Variants in ZYG11B observed in about 807,000 individuals in gnomAD.
The protein encoded by ZYG11B is protein zyg-11 homolog B.
Under a neutral mutation model 82.4 loss-of-function variants are expected in ZYG11B, and 36 were observed. The observed-to-expected ratio is 0.44, with a 90% CI of 0.33 to 0.58. The LOEUF is 0.58. ZYG11B is among the 20% of genes least tolerant of loss of function. The pLI, the probability that ZYG11B is intolerant of heterozygous loss-of-function variation, is 0.02. For missense variants in ZYG11B, 552 were observed against 895.6 expected, an observed-to-expected ratio of 0.62 and a Z score of 4.90; for synonymous variants, 303 against 312.8, an observed-to-expected ratio of 0.97 and a Z score of 0.33.
At chr1:52,783,997 T>TATAGAG (rs543071878) in intron 4 of ZYG11B, among the ~76,000 whole-genome samples, 1 of 142,302 alleles carries the variant, frequency 7.0e-6, no homozygotes, top group African/African-American at 2.7e-5. Flanking sequence ...TATATATATA[T>TATAGAG]AGAGAGAGAG....
intron 3 of ZYG11B, among the ~76,000 whole-genome samples, chr1:52,776,251 A>C (rs1644809056): frequency 4.1e-5 from 2 of 49,292 alleles, no homozygotes; most frequent in East Asian, 3.3e-4. Flanking sequence ...TATATGCAAT[A>C]AAGTTGGCTT....
chr1:52,726,634 G>T lies in ZYG11B; in HGVS notation c.-20G>T. The T allele has an allele frequency of 3.4e-6, 5 of 1,451,738 alleles. No homozygotes were observed. Among genetic ancestry groups the T allele is most frequent in the Non-Finnish European group, 4.5e-6 (5 of 1,107,540 alleles). 89.9% of individuals were successfully genotyped at this position (1,451,738 alleles called of 1,614,324 possible). On this transcript the variant is annotated 5_prime_UTR_variant, in exon 1 of 14. Coordinates refer to ENST00000294353, the MANE Select transcript of ZYG11B (RefSeq NM_024646.3). ...GCGGGCTCCGGTCCGGCCCGCCGCC[G>T]CACCCAGGACGGAGGCTGCATGCCC...
At chr1:52,770,137 G>C (rs1454565048) in intron 2 of ZYG11B, among the ~76,000 whole-genome samples, 1 of 144,816 alleles carries the variant, frequency 6.9e-6, no homozygotes, top group Admixed American at 7.2e-5. Flanking sequence ...TGTCACCCAG[G>C]CTGGTGTGCA....
At position 52,774,687 on chromosome 1, in the gene ZYG11B, C is replaced by G. The variant is rs535377048; in HGVS notation, c.951+2913C>G. On this transcript the variant is annotated intron_variant, in intron 3 of 13. Coordinates refer to ENST00000294353, the MANE Select transcript of ZYG11B (RefSeq NM_024646.3). The stretch of plus-strand genomic sequence containing the variant: ...CTCAGCGATCCTCCCACCTTGGCCT[C>G]CTAGTTTTGGGATTATAGGTGTAAG... Among the ~76,000 whole-genome samples the G allele has an allele frequency of 2.0e-5, 3 of 147,542 alleles. No individual in the cohort carries two copies. In the South Asian group the frequency reaches 6.4e-4, roughly 32 times the overall value.
chr1:52,730,824 A>C (rs1310179340), intron 1 of ZYG11B, among the ~76,000 whole-genome samples: 1 of 151,184 alleles, frequency 6.6e-6, no homozygotes, highest in Non-Finnish European at 1.5e-5. Context: ...CAGCCTGGGC[A>C]ACAGAGCGAG....
At chr1:52,801,661 A>G (rs920211373) in intron 8 of ZYG11B, among the ~76,000 whole-genome samples, 158 bp from the exon 9 acceptor site, 1 of 152,176 alleles carries the variant, frequency 6.6e-6, no homozygotes, top group Non-Finnish European at 1.5e-5. Flanking sequence ...ATTTTTCTTG[A>G]AGAAAAGTTC....
Position 52,732,211 on chromosome 1 carries a change from A to G in ZYG11B, c.30+5528A>G, listed in dbSNP as rs1482127735. Among the ~76,000 whole-genome samples, 5 of 152,222 alleles carry G rather than the reference A, an allele frequency of 3.3e-5. No homozygotes were observed. The South Asian group carries it at 8.3e-4, about 25-fold the overall frequency. On this transcript the variant is annotated intron_variant, in intron 1 of 13. Coordinates refer to ENST00000294353, the MANE Select transcript of ZYG11B (RefSeq NM_024646.3). ...AAAAAGGATGTGTGTAGGGGAATCAATAAATAAATTGAAATCCCTTCCAAG... is the reference window on the plus strand; with the variant it reads ...AAAAAGGATGTGTGTAGGGGAATCAGTAAATAAATTGAAATCCCTTCCAAG...
intron 2 of ZYG11B, among the ~76,000 whole-genome samples, chr1:52,761,522 CTGTT>C (rs893741817): frequency 6.6e-6 from 1 of 152,156 alleles, no homozygotes; most frequent in African/African-American, 2.4e-5. Flanking sequence ...GGATTTTATT[CTGTT>C]TGTTGGCTGC....
intron 10 of ZYG11B, among the ~76,000 whole-genome samples, chr1:52,812,620 G>A (rs1280308934): frequency 6.6e-6 from 1 of 152,022 alleles, no homozygotes; most frequent in Non-Finnish European, 1.5e-5. Context: ...GGCCAGGCTG[G>A]TCTCGAACTC....
In ZYG11B at chr1:52,760,937, AT is replaced by A. The variant is rs540306368; in HGVS notation, c.196+4319del. On this transcript the variant is annotated intron_variant, in intron 2 of 13. Transcript: ENST00000294353. Reference sequence around the variant, plus strand: ...GACACTATGCACAGCTAATTTTTGTATTTTTAGTAGAGACAGGGTTTCACCA... The same window carrying A: ...GACACTATGCACAGCTAATTTTTGTATTTTAGTAGAGACAGGGTTTCACCA... 2.1e-3 allele frequency among the ~76,000 whole-genome samples: 311 copies of A among 151,106 alleles called. 1 individual carries two copies. Among genetic ancestry groups the A allele is most frequent in the African/African-American group, 7.1e-3 (294 of 41,158 alleles).
intron 5 of ZYG11B, among the ~76,000 whole-genome samples, chr1:52,787,823 A>G (rs957401980): frequency 6.6e-6 from 1 of 151,922 alleles, no homozygotes; most frequent in African/African-American, 2.4e-5. Context: ...CTGGGAATTC[A>G]CCTATTAGTT....
intron 4 of ZYG11B, among the ~76,000 whole-genome samples, chr1:52,784,618 C>T (rs956884059): frequency 6.6e-6 from 1 of 152,066 alleles, no homozygotes; most frequent in Non-Finnish European, 1.5e-5. Flanking sequence ...CTTGGAAATA[C>T]AAAGATGAGT....
chr1:52,813,805 A>T (rs1398498906), intron 11 of ZYG11B, 55 bp from the exon 12 acceptor site: 4 of 1,612,936 alleles, frequency 2.5e-6, no homozygotes, highest in Non-Finnish European at 3.4e-6. Flanking sequence ...TGTAGTAAAT[A>T]ATGCAGTGCT....
At chr1:52,776,089 C>G (rs1370651564) in intron 3 of ZYG11B, among the ~76,000 whole-genome samples, 3 of 148,248 alleles carry the variant, frequency 2.0e-5, no homozygotes, top group East Asian at 2.0e-4. Flanking sequence ...CGTGGTGGCG[C>G]ATGCCTGTAA....
At chr1:52,772,242 A>C (rs1165937294) in intron 3 of ZYG11B, 15 of 1,341,494 alleles carry the variant, frequency 1.1e-5, no homozygotes, top group Non-Finnish European at 7.5e-6. Context: ...TCCAACTGGG[A>C]GGGAGGACTC....
intron 1 of ZYG11B, among the ~76,000 whole-genome samples, chr1:52,742,828 C>G (rs1210191901): frequency 2.0e-5 from 3 of 146,968 alleles, no homozygotes; most frequent in Admixed American, 6.8e-5. Context: ...GGCGACAGAG[C>G]GAGCCTCCGT....
Position 52,793,887 on chromosome 1 carries a change from C to CCTTA in ZYG11B, c.1335-2402_1335-2401insACTT, listed in dbSNP as rs1553261680. ...TCTTTCTTTCCTTCCTTCCTTCCTTCCTTCCTTCCTTCCTTTCTTTCCTTT... is the reference window on the plus strand; with the variant it reads ...TCTTTCTTTCCTTCCTTCCTTCCTTCCTTACTTCCTTCCTTCCTTTCTTTCCTTT... On this transcript the variant is annotated intron_variant, in intron 6 of 13. Coordinates refer to ENST00000294353, the MANE Select transcript of ZYG11B (RefSeq NM_024646.3). 2.3e-3 allele frequency among the ~76,000 whole-genome samples: 340 copies of CCTTA among 144,954 alleles called. 3 individuals are homozygous for CCTTA. The highest frequency in any genetic ancestry group is 7.8e-3 in the African/African-American group (295 of 37,592).
chr1:52,771,835 C>A lies in ZYG11B; in HGVS notation c.951+61C>A. ...ACCAATATCTTAGTTGCATAAGACTCTATTAAAGATGAATGTCTGTAATAT... is the reference window on the plus strand; with the variant it reads ...ACCAATATCTTAGTTGCATAAGACTATATTAAAGATGAATGTCTGTAATAT... On this transcript the variant is annotated intron_variant, in intron 3 of 13. Coordinates refer to ENST00000294353, the MANE Select transcript of ZYG11B (RefSeq NM_024646.3). The surrounding 1 kb of genome is among the most constrained non-coding windows in gnomAD (Gnocchi z 5.4). The A allele has an allele frequency of 6.6e-7, 1 of 1,519,782 alleles. No homozygotes were observed. Among genetic ancestry groups the A allele is most frequent in the Non-Finnish European group, 8.9e-7 (1 of 1,128,072 alleles). The allele number at this position is 1,519,782 out of a possible 1,614,324, so 94.1% of individuals were successfully genotyped here.
At chr1:52,806,130 G>T (rs71654975) in intron 10 of ZYG11B, among the ~76,000 whole-genome samples, 2 of 151,992 alleles carry the variant, frequency 1.3e-5, no homozygotes, top group Admixed American at 1.3e-4. Flanking sequence ...CAGAGAATAT[G>T]CTTTGTTTGG....
Sources: allele counts gnomAD v4.1 joint callset (sites outside exome capture counted in the v4.1 genomes callset), GRCh38; gene constraint gnomAD v4.1.1; non-coding constraint Gnocchi (gnomAD v3.1); transcripts MANE v1.5; gene names NCBI Gene and HGNC (gene_info 2026-07-23, HGNC 2026-07-21).